HIVEP2: variants seen among roughly 807,000 people sequenced by gnomAD.
HIVEP2 encodes the protein transcription factor HIVEP2.
HIVEP2 carries 14 observed loss-of-function variants against 180.7 expected under a neutral mutation model. That is an observed-to-expected ratio of 0.08 (90% CI 0.05 to 0.12). HIVEP2 has a LOEUF of 0.12. Among genes scored for constraint, HIVEP2 ranks in the 10% least tolerant of loss-of-function variants. The pLI is 1.00. For synonymous variants in HIVEP2, 1,184 were observed against 1,136.4 expected, an observed-to-expected ratio of 1.04 and a Z score of -0.84; for missense variants, 2,579 against 3,008.5, an observed-to-expected ratio of 0.86 and a Z score of 3.34.
intron 2 of HIVEP2, among the ~76,000 whole-genome samples, chr6:142,820,310 T>TCTCTCG (rs1379274581): frequency 4.6e-5 from 7 of 152,016 alleles, no homozygotes; most frequent in Middle Eastern, 3.4e-3. Context: ...TCTCTCTCTC[T>TCTCTCG]CTCTCTCTCT....
intron 1 of HIVEP2, among the ~76,000 whole-genome samples, chr6:142,862,931 G>A (rs12205726): frequency 0.83 from 111,032 of 134,032 alleles, 46,417 homozygotes; most frequent in African/African-American, 0.89. Flanking sequence ...GTAATATATT[G>A]TACTTTACAT....
chr6:142,943,935 T>C lies in HIVEP2; in HGVS notation c.-641+1164A>G, dbSNP rs1337789392. 2.0e-5 allele frequency among the ~76,000 whole-genome samples: 3 copies of C among 152,124 alleles called. No individual in the cohort carries two copies. Among genetic ancestry groups the C allele is most frequent in the Non-Finnish European group, 4.4e-5 (3 of 68,016 alleles). On this transcript the variant is annotated intron_variant, in intron 1 of 9. Transcript: ENST00000367603. The surrounding 1 kb of genome is among the most constrained non-coding windows in gnomAD (Gnocchi z 4.5). The stretch of plus-strand genomic sequence containing the variant: ...CCCCCCATCCGCCGCCCACACATTA[T>C]TGCTTCTCTCCTCCAAGTGTCTTGA...
chr6:142,921,222 C>A (rs564195435), intron 1 of HIVEP2, among the ~76,000 whole-genome samples: 1 of 152,284 alleles, frequency 6.6e-6, no homozygotes. Flanking sequence ...ACAAACAGCC[C>A]TGCCTCAAAA....
At chr6:142,935,765 CAT>C (rs1184588922) in intron 1 of HIVEP2, among the ~76,000 whole-genome samples, 2 of 152,132 alleles carry the variant, frequency 1.3e-5, no homozygotes, top group Admixed American at 6.5e-5. Context: ...ATGCCCAGCA[CAT>C]GTCATACACT....
At chr6:142,877,704 C>G (rs1019224479) in intron 1 of HIVEP2, among the ~76,000 whole-genome samples, 1 of 152,124 alleles carries the variant, frequency 6.6e-6, no homozygotes, top group African/African-American at 2.4e-5. Flanking sequence ...TTAATTCCAA[C>G]ATGTGAAAGG....
chr6:142,913,143 G>A (rs919738030), intron 1 of HIVEP2, among the ~76,000 whole-genome samples: 10 of 152,178 alleles, frequency 6.6e-5, no homozygotes, highest in African/African-American at 2.4e-4. Context: ...TATGGGAACC[G>A]AACTGCTTAG....
intron 1 of HIVEP2, among the ~76,000 whole-genome samples, chr6:142,917,959 A>G (rs1291058104): frequency 3.9e-5 from 6 of 152,228 alleles, no homozygotes; most frequent in Non-Finnish European, 8.8e-5. Context: ...CATTTTTAGT[A>G]GACAGGTTTT....
intron 1 of HIVEP2, among the ~76,000 whole-genome samples, chr6:142,926,065 T>C (rs545463869): frequency 1.3e-5 from 2 of 152,356 alleles, no homozygotes; most frequent in South Asian, 2.1e-4. Flanking sequence ...TACTAAATTA[T>C]AGATTATTAG....
intron 2 of HIVEP2, among the ~76,000 whole-genome samples, chr6:142,824,265 G>C (rs1372704082): frequency 6.6e-6 from 1 of 152,116 alleles, no homozygotes; most frequent in Non-Finnish European, 1.5e-5. Context: ...AAAGTAAGCA[G>C]ACTTGTCAAG....
At chr6:142,882,663 T>G (rs983121335) in intron 1 of HIVEP2, among the ~76,000 whole-genome samples, 1 of 151,644 alleles carries the variant, frequency 6.6e-6, no homozygotes. Flanking sequence ...AAAGAAAGAA[T>G]CATATATTCC....
rs369142259 is a variant in HIVEP2, at chr6:142,926,877, G to T, written c.-641+18222C>A. Among the ~76,000 whole-genome samples, 47 of 152,098 alleles carry T rather than the reference G, an allele frequency of 3.1e-4. No individual in the cohort carries two copies. In the East Asian group the frequency reaches 8.2e-3, roughly 26 times the overall value. Reference sequence around the variant, plus strand: ...GAGCCCCACTTTCTCCCGGCAGGAAGGGGGGAGGCCGAGAGCATTTCCTGT... The same window carrying T: ...GAGCCCCACTTTCTCCCGGCAGGAATGGGGGAGGCCGAGAGCATTTCCTGT... On this transcript the variant is annotated intron_variant, in intron 1 of 9. Coordinates refer to ENST00000367603, the MANE Select transcript of HIVEP2 (RefSeq NM_006734.4).
chr6:142,762,087 G>A (rs1446415914), intron 7 of HIVEP2, among the ~76,000 whole-genome samples: 1 of 152,128 alleles, frequency 6.6e-6, no homozygotes, highest in Non-Finnish European at 1.5e-5. Context: ...ACTAATGTGA[G>A]GGCCAACCTT....
chr6:142,858,782 C>T (rs1325149620), intron 1 of HIVEP2, among the ~76,000 whole-genome samples: 1 of 151,832 alleles, frequency 6.6e-6, no homozygotes, highest in Non-Finnish European at 1.5e-5. Flanking sequence ...TTAGTAGACA[C>T]GGGGTTTCAC....
chr6:142,762,470 A>G (rs1775270081), intron 7 of HIVEP2, among the ~76,000 whole-genome samples: 2 of 143,500 alleles, frequency 1.4e-5, no homozygotes, highest in African/African-American at 2.6e-5. Context: ...ACACACACAC[A>G]CACACACACA....
At chr6:142,811,673 T>C (rs1582880817) in intron 2 of HIVEP2, among the ~76,000 whole-genome samples, 2 of 152,336 alleles carry the variant, frequency 1.3e-5, no homozygotes, top group East Asian at 1.9e-4. Flanking sequence ...GGTATGAGAA[T>C]ACTTCCTAAC....
chr6:142,774,929 C>T lies in HIVEP2; in HGVS notation c.-191G>A. On this transcript the variant is annotated 5_prime_UTR_variant, in exon 5 of 10. Coordinates refer to ENST00000367603, the MANE Select transcript of HIVEP2 (RefSeq NM_006734.4). The surrounding 1 kb of genome is among the most constrained non-coding windows in gnomAD (Gnocchi z 5.1). ...TCGATGGGCATTAGCTAGTAATGTCCTTGGACCAGGGCTATAACACAGTTC... is the reference window on the plus strand; with the variant it reads ...TCGATGGGCATTAGCTAGTAATGTCTTTGGACCAGGGCTATAACACAGTTC... 1 of 1,443,702 alleles carries T rather than the reference C, an allele frequency of 6.9e-7. No individual in the cohort carries two copies. The highest frequency in any genetic ancestry group is 1.4e-5 in the African/African-American group (1 of 70,272). 89.4% of individuals were successfully genotyped at this position (1,443,702 alleles called of 1,614,324 possible). A position where few individuals can be genotyped will look rare whatever the true frequency, so the allele number is the denominator to read the frequency against.
intron 2 of HIVEP2, among the ~76,000 whole-genome samples, chr6:142,829,308 C>T (rs1477457817): frequency 6.6e-6 from 1 of 152,082 alleles, no homozygotes; most frequent in Admixed American, 6.5e-5. Flanking sequence ...ATGACTTTTC[C>T]TTCCATAATC....
At chr6:142,811,802 A>G (rs1159319886) in intron 2 of HIVEP2, among the ~76,000 whole-genome samples, 1 of 152,238 alleles carries the variant, frequency 6.6e-6, no homozygotes, top group Non-Finnish European at 1.5e-5. Context: ...ACTAACGGAT[A>G]TCATATCAAT....
chr6:142,848,885 G>A (rs1172422551), intron 1 of HIVEP2, among the ~76,000 whole-genome samples: 1 of 152,184 alleles, frequency 6.6e-6, no homozygotes, highest in Non-Finnish European at 1.5e-5. Context: ...GTCTATGAAA[G>A]GAACTAGAGG....
Sources: allele counts gnomAD v4.1 joint callset (sites outside exome capture counted in the v4.1 genomes callset), GRCh38; gene constraint gnomAD v4.1.1; non-coding constraint Gnocchi (gnomAD v3.1); transcripts MANE v1.5; gene names NCBI Gene and HGNC (gene_info 2026-07-23, HGNC 2026-07-21).